The following FSTL4 variants were observed in gnomAD, a reference collection of about 807,000 sequenced individuals.
FSTL4 encodes follistatin like 4.
Under a neutral mutation model 78.2 loss-of-function variants are expected in FSTL4, and 28 were observed. The observed-to-expected ratio is 0.36, with a 90% CI of 0.27 to 0.49. The LOEUF is 0.49. Among genes scored for constraint, FSTL4 ranks in the 20% least tolerant of loss-of-function variants. FSTL4 has a pLI of 0.98. For missense variants in FSTL4, 922 were observed against 1,084.9 expected (o/e 0.85, Z 2.11); for synonymous variants, 422 against 440.5 (o/e 0.96, Z 0.53).
intron 8 of FSTL4, 128 bp downstream of exon 8, chr5:133,233,284 TATAAG>T (rs1751550591): frequency 9.8e-7 from 1 of 1,023,152 alleles, no homozygotes; most frequent in South Asian, 1.5e-5. Flanking sequence ...CCCCTTTACT[TATAAG>T]AGAGATGATA....
intron 4 of FSTL4, among the ~76,000 whole-genome samples, chr5:133,383,016 C>A (rs190567206): frequency 6.6e-6 from 1 of 152,164 alleles, no homozygotes; most frequent in Non-Finnish European, 1.5e-5. Flanking sequence ...GCAGGCTCTG[C>A]GTGCCCACAT....
intron 6 of FSTL4, among the ~76,000 whole-genome samples, chr5:133,264,664 T>G (rs1208507963): frequency 6.6e-6 from 1 of 152,254 alleles, no homozygotes; most frequent in Non-Finnish European, 1.5e-5. Context: ...GCGAGAAATC[T>G]CTTTCCCTTA....
At chr5:133,793,980 T>C in the FSTL4 span, among the ~76,000 whole-genome samples, 1 of 152,236 alleles carries the variant, frequency 6.6e-6, no homozygotes, top group East Asian at 1.9e-4. Flanking sequence ...AGCCATCTGC[T>C]TGTGTGCTTC....
chr5:133,262,225 GC>G (rs1191373515), intron 6 of FSTL4, among the ~76,000 whole-genome samples: 1 of 152,150 alleles, frequency 6.6e-6, no homozygotes, highest in Non-Finnish European at 1.5e-5. Context: ...CCGACTCACT[GC>G]CCCAGCCCCT....
In FSTL4 at chr5:133,225,941, T is replaced by A; in HGVS notation, c.1016-122A>T. 1.6e-6 allele frequency: 1 copy of A among 616,576 alleles called. No individual in the cohort carries two copies. The highest frequency in any genetic ancestry group is 2.8e-5 in the East Asian group (1 of 35,784). The allele number at this position is 616,576 out of a possible 1,614,324, so 38.2% of individuals were successfully genotyped here. A position where few individuals can be genotyped will look rare whatever the true frequency, so the allele number is the denominator to read the frequency against. On this transcript the variant is annotated intron_variant, in intron 8 of 15. Transcript: ENST00000265342. This position sits in a 1 kb window ranked among gnomAD's most constrained non-coding sequence, Gnocchi z 4.6. Reference sequence around the variant, plus strand: ...CCAAGTAGGTGACTGGAGTTCTGTGTTTAACCAAATTATAATAATCCTGTC... The same window carrying A: ...CCAAGTAGGTGACTGGAGTTCTGTGATTAACCAAATTATAATAATCCTGTC...
At chr5:133,734,110 T>C in the FSTL4 span, among the ~76,000 whole-genome samples, 1 of 152,152 alleles carries the variant, frequency 6.6e-6, no homozygotes, top group East Asian at 1.9e-4. Flanking sequence ...TAAAAGAAAG[T>C]CACTAAATCC....
the FSTL4 span, among the ~76,000 whole-genome samples, chr5:133,669,866 C>G: frequency 6.6e-6 from 1 of 152,176 alleles, no homozygotes. Flanking sequence ...TTCTGAAGTG[C>G]TAGGCTGAGC....
the FSTL4 span, among the ~76,000 whole-genome samples, chr5:133,838,998 C>G: frequency 6.6e-6 from 1 of 152,198 alleles, no homozygotes; most frequent in South Asian, 2.1e-4. Context: ...AGGTTGGTCT[C>G]AAACAAGTCA....
At chr5:133,765,967 A>T in the FSTL4 span, among the ~76,000 whole-genome samples, 1 of 152,148 alleles carries the variant, frequency 6.6e-6, no homozygotes, top group Admixed American at 6.5e-5. Context: ...AAGTTTCCCC[A>T]CCCAGATGAT....
intron 4 of FSTL4, among the ~76,000 whole-genome samples, chr5:133,364,101 CGCCTGACATTCCA>C (rs1445450348): frequency 1.3e-5 from 2 of 152,210 alleles, no homozygotes; most frequent in Admixed American, 1.3e-4. Flanking sequence ...AGGCAGGACA[CGCCTGACATTCCA>C]GCATCAGCAG....
the FSTL4 span, among the ~76,000 whole-genome samples, chr5:133,621,259 G>T: frequency 1.3e-5 from 2 of 152,156 alleles, no homozygotes; most frequent in Admixed American, 1.3e-4. Context: ...AATGAGCTGG[G>T]CGTGTTGGCA....
At chr5:133,316,010 G>A (rs1561668559) in intron 5 of FSTL4, among the ~76,000 whole-genome samples, 1 of 152,190 alleles carries the variant, frequency 6.6e-6, no homozygotes, top group African/African-American at 2.4e-5. Flanking sequence ...GGGGGTTGAC[G>A]GGTAGACACA....
chr5:133,613,931 C>A (rs1193761838), upstream of FSTL4, among the ~76,000 whole-genome samples: 2 of 152,228 alleles, frequency 1.3e-5, no homozygotes, highest in Non-Finnish European at 2.9e-5. Context: ...GCCACCATGA[C>A]TGAACTTCTG....
the FSTL4 span, among the ~76,000 whole-genome samples, chr5:133,769,615 T>C: frequency 5.3e-5 from 8 of 152,172 alleles, no homozygotes; most frequent in African/African-American, 1.9e-4. Context: ...ACAAACCTTC[T>C]GTGGGGTTAT....
intron 4 of FSTL4, among the ~76,000 whole-genome samples, chr5:133,319,039 T>G (rs930367053): frequency 1.3e-5 from 2 of 152,162 alleles, no homozygotes; most frequent in Non-Finnish European, 2.9e-5. Context: ...GGACAACACC[T>G]CCAACACTGG....
chr5:133,404,047 A>G (rs1400322837), intron 3 of FSTL4, among the ~76,000 whole-genome samples: 2 of 152,164 alleles, frequency 1.3e-5, no homozygotes, highest in Non-Finnish European at 2.9e-5. Flanking sequence ...TGTCAAGAAC[A>G]CTCAGGTTCT....
At chr5:133,435,151 C>T (rs536358245) in intron 3 of FSTL4, among the ~76,000 whole-genome samples, 1 of 152,226 alleles carries the variant, frequency 6.6e-6, no homozygotes, top group South Asian at 2.1e-4. Context: ...TTTAGGAAAG[C>T]CCCACTCACC....
intron 4 of FSTL4, among the ~76,000 whole-genome samples, chr5:133,398,832 C>T (rs1364152514): frequency 6.6e-6 from 1 of 152,158 alleles, no homozygotes; most frequent in Admixed American, 6.5e-5. Flanking sequence ...ACAGGCACCA[C>T]TCTCCACCAA....
the FSTL4 span, among the ~76,000 whole-genome samples, chr5:133,770,011 T>A: frequency 1.3e-5 from 2 of 152,206 alleles, no homozygotes; most frequent in African/African-American, 4.8e-5. Context: ...GTTCCATGTA[T>A]GTTGCTGCAA....
Sources: gnomAD v4.1 joint callset for allele counts (sites outside exome capture counted in the v4.1 genomes callset) on GRCh38, gnomAD v4.1.1 for gene constraint, Gnocchi (gnomAD v3.1) non-coding constraint, MANE v1.5 for transcripts, NCBI Gene and HGNC (gene_info 2026-07-23, HGNC 2026-07-21) for gene names.